The following WDR27 variants were observed in gnomAD, a reference collection of about 807,000 sequenced individuals.
WDR27 encodes WD repeat domain 27.
A neutral mutation model predicts 114.4 loss-of-function variants in WDR27; 100 were observed. The observed-to-expected ratio is 0.87, with a 90% CI of 0.74 to 1.03. WDR27 has a LOEUF of 1.03. WDR27 is among the 50% of genes least tolerant of loss of function. WDR27 has a pLI of 0.00. For synonymous variants in WDR27, 449 were observed against 423.1 expected, an observed-to-expected ratio of 1.06 and a Z score of -0.75; for missense variants, 1,129 against 1,092.9, an observed-to-expected ratio of 1.03 and a Z score of -0.47.
intron 25 of WDR27, among the ~76,000 whole-genome samples, chr6:169,483,167 C>G (rs1022901024): frequency 9.2e-5 from 14 of 152,038 alleles, no homozygotes; most frequent in Non-Finnish European, 2.1e-4. Flanking sequence ...TAGCAGAAGA[C>G]AAGAAATAAC....
chr6:169,585,530 C>T (rs1804370279), intron 23 of WDR27, among the ~76,000 whole-genome samples: 1 of 152,146 alleles, frequency 6.6e-6, no homozygotes, highest in Non-Finnish European at 1.5e-5. Flanking sequence ...GCTTTTGACT[C>T]TCCAAAAACT....
chr6:169,501,596 T>C (rs1384267389), intron 25 of WDR27, among the ~76,000 whole-genome samples: 1 of 152,226 alleles, frequency 6.6e-6, no homozygotes, highest in Non-Finnish European at 1.5e-5. Context: ...CTAAAATGCA[T>C]AAAGATGTAT....
At position 169,634,522 on chromosome 6, in the gene WDR27, A is replaced by G. The variant is rs762384573; in HGVS notation, c.2007T>C (p.Tyr669=). 1.2e-6 allele frequency: 2 copies of G among 1,607,460 alleles called. No individual in the cohort carries two copies. Among genetic ancestry groups the G allele is most frequent in the Non-Finnish European group, 8.5e-7 (1 of 1,176,474 alleles). ...IDTCKDEIKR[Y]KQKSKSKLIC... ...TCAGCTTGGACTTGCTCTTCTGTTT[A>G]TATCTGGAAGAGAAAATCAAGATGA... Residue 669 remains tyrosine, a synonymous_variant, in exon 20 of 26, where the codon TAT becomes TAC. Coordinates refer to ENST00000448612, the MANE Select transcript of WDR27 (RefSeq NM_182552.5).
intron 25 of WDR27, among the ~76,000 whole-genome samples, chr6:169,556,661 C>T (rs1014920751): frequency 3.9e-5 from 6 of 152,092 alleles, no homozygotes; most frequent in African/African-American, 1.4e-4. Context: ...TTAAAGGATG[C>T]CATGATGACA....
intron 2 of WDR27, among the ~76,000 whole-genome samples, chr6:169,676,662 C>T (rs956300341): frequency 3.3e-5 from 5 of 152,162 alleles, no homozygotes; most frequent in Non-Finnish European, 5.9e-5. Context: ...TTGGTCTCCA[C>T]GATCCGTTAT....
chr6:169,532,641 T>C (rs1795731872), intron 25 of WDR27, among the ~76,000 whole-genome samples: 1 of 152,204 alleles, frequency 6.6e-6, no homozygotes, highest in Non-Finnish European at 1.5e-5. Flanking sequence ...TTTAGTCATA[T>C]AAATGAAATT....
At chr6:169,606,763 G>A (rs1158402748) in intron 22 of WDR27, among the ~76,000 whole-genome samples, 2 of 152,172 alleles carry the variant, frequency 1.3e-5, no homozygotes, top group African/African-American at 4.8e-5. Flanking sequence ...GAATAGTGCT[G>A]CAATGAACAT....
At chr6:169,447,883 G>A in the WDR27 span, among the ~76,000 whole-genome samples, 33 of 152,208 alleles carry the variant, frequency 2.2e-4, no homozygotes, top group Middle Eastern at 6.8e-3. Context: ...CAATTTCTGG[G>A]TCAGAGTTGG....
At chr6:169,678,807 G>A (rs1406449858) in intron 2 of WDR27, among the ~76,000 whole-genome samples, 1 of 152,274 alleles carries the variant, frequency 6.6e-6, no homozygotes, top group East Asian at 1.9e-4. Context: ...AAATTGTCCT[G>A]CAAAGTCTCT....
the WDR27 span, among the ~76,000 whole-genome samples, chr6:169,449,650 C>G: frequency 6.6e-6 from 1 of 152,188 alleles, no homozygotes; most frequent in African/African-American, 2.4e-5. Flanking sequence ...CTCTTAGTGT[C>G]AAAGGCAGAA....
At chr6:169,614,150 T>A (rs796976452) in intron 21 of WDR27, among the ~76,000 whole-genome samples, 3 of 152,132 alleles carry the variant, frequency 2.0e-5, no homozygotes, top group Non-Finnish European at 4.4e-5. Context: ...TGCTCCCCTT[T>A]CCCTGTGCTG....
intron 21 of WDR27, among the ~76,000 whole-genome samples, chr6:169,613,920 A>G (rs1218636570): frequency 6.6e-6 from 1 of 152,238 alleles, no homozygotes; most frequent in Non-Finnish European, 1.5e-5. Flanking sequence ...AATGGTCAAA[A>G]AAGACCAAGA....
At chr6:169,517,660 A>G (rs1562523028) in intron 25 of WDR27, among the ~76,000 whole-genome samples, 1 of 152,198 alleles carries the variant, frequency 6.6e-6, no homozygotes, top group African/African-American at 2.4e-5. Context: ...TCTGGCAACA[A>G]TGGACCCTCT....
At chr6:169,590,602 A>T (rs1411365638) in intron 23 of WDR27, among the ~76,000 whole-genome samples, 1 of 152,240 alleles carries the variant, frequency 6.6e-6, no homozygotes, top group Non-Finnish European at 1.5e-5. Context: ...ATGGGAGGCG[A>T]ATGGCACCAT....
chr6:169,597,874 T>TCA lies in WDR27; in HGVS notation c.2424+4343_2424+4344dup, dbSNP rs1427378371. ...TATGCACAACTTCACCTCTTACCATTCATACACACACACACACACACACAC... is the reference window on the plus strand; with the variant it reads ...TATGCACAACTTCACCTCTTACCATTCACATACACACACACACACACACACAC... On this transcript the variant is annotated intron_variant, in intron 23 of 25. Transcript: ENST00000448612. Among the ~76,000 whole-genome samples the TCA allele has an allele frequency of 8.5e-5, 7 of 82,366 alleles. No homozygotes were observed. The East Asian group carries it at 5.2e-3, about 61-fold the overall frequency. 54.0% of individuals were successfully genotyped at this position (82,366 alleles called of 152,430 possible). A position where few individuals can be genotyped will look rare whatever the true frequency, so the allele number is the denominator to read the frequency against.
In WDR27 at chr6:169,670,839, A is replaced by G. The variant is rs1778541929; in HGVS notation, c.332-146T>C. The G allele has an allele frequency of 1.3e-5, 15 of 1,127,028 alleles. No homozygotes were observed. In the South Asian group the frequency reaches 2.5e-4, roughly 19 times the overall value. The allele number at this position is 1,127,028 out of a possible 1,614,324, so 69.8% of individuals were successfully genotyped here. On this transcript the variant is annotated intron_variant, in intron 3 of 25. Coordinates refer to ENST00000448612, the MANE Select transcript of WDR27 (RefSeq NM_182552.5). ...TTTGATGTGATTTTGATTCTTTAAG[A>G]ATATCAAAAATACTGGATATACAGA...
At chr6:169,593,804 G>A (rs996429205) in intron 23 of WDR27, among the ~76,000 whole-genome samples, 14 of 152,056 alleles carry the variant, frequency 9.2e-5, no homozygotes, top group African/African-American at 2.7e-4. Flanking sequence ...AGCTGAGATC[G>A]CGGCACTGAA....
intron 13 of WDR27, among the ~76,000 whole-genome samples, chr6:169,653,543 T>C (rs543333182): frequency 1.3e-5 from 2 of 152,328 alleles, no homozygotes; most frequent in South Asian, 2.1e-4. Flanking sequence ...ATAAACACTT[T>C]CAATTCTTCA....
chr6:169,462,490 G>GAGAGAGAAAGAAAGAA (rs555265160), intron 25 of WDR27, among the ~76,000 whole-genome samples: 3 of 149,850 alleles, frequency 2.0e-5, no homozygotes, highest in African/African-American at 7.6e-5. Context: ...GAGAGAGAGA[G>GAGAGAGAAAGAAAGAA]AGAAAGAAAG....
Sources: allele counts gnomAD v4.1 joint callset (sites outside exome capture counted in the v4.1 genomes callset), GRCh38; gene constraint gnomAD v4.1.1; transcripts MANE v1.5; gene names NCBI Gene and HGNC (gene_info 2026-07-23, HGNC 2026-07-21).